COBL: variants seen among roughly 807,000 people sequenced by gnomAD.
COBL encodes cordon-bleu WH2 repeat protein, also known as protein cordon-bleu.
A neutral mutation model predicts 98.8 loss-of-function variants in COBL; 51 were observed. The observed-to-expected ratio is 0.52, with a 90% confidence interval of 0.41 to 0.65. The LOEUF (loss-of-function observed/expected upper bound fraction) is 0.65. Ranked by LOEUF, COBL falls within the 30% of genes least tolerant of loss-of-function variation. The probability of loss-of-function intolerance (pLI) is 0.00; values close to 1 mark genes in which losing one functional copy is unlikely to be tolerated. For missense variants in COBL, 1,617 were observed against 1,617.5 expected, an observed-to-expected ratio of 1.00 and a Z score of 0.01; for synonymous variants, 634 against 651.7, an observed-to-expected ratio of 0.97 and a Z score of 0.41.
Position 51,085,067 on chromosome 7 carries a change from C to A in COBL, c.1096+99G>T, listed in dbSNP as rs982901808. 6 of 1,565,866 alleles carry A rather than the reference C, an allele frequency of 3.8e-6. No homozygotes were observed. The African/African-American group carries it at 4.1e-5, about 11-fold the overall frequency. On this transcript the variant is annotated intron_variant, in intron 7 of 12. Coordinates refer to ENST00000265136, the MANE Select transcript of COBL (RefSeq NM_015198.5). ...GCATTAATATTTTTTGGGTTAATGTCATTATGGATGAGGCCACTGCAGGAG... is the reference window on the plus strand; with the variant it reads ...GCATTAATATTTTTTGGGTTAATGTAATTATGGATGAGGCCACTGCAGGAG...
chr7:51,300,287 A>C (rs1430979407), intron 1 of COBL, among the ~76,000 whole-genome samples: 1 of 151,876 alleles, frequency 6.6e-6, no homozygotes, highest in Admixed American at 6.6e-5. Flanking sequence ...CAGCCTCCCA[A>C]GTAGCTGAGA....
In COBL at chr7:51,028,791, C is replaced by T; in HGVS notation, c.2305G>A (p.Glu769Lys). The T allele has an allele frequency of 1.2e-6, 2 of 1,614,216 alleles. No homozygotes were observed. Among genetic ancestry groups the T allele is most frequent in the Non-Finnish European group, 1.7e-6 (2 of 1,180,034 alleles). Reference protein sequence around the residue: ...AESQPIGKVREFWRCNSVEKH... With the variant: ...AESQPIGKVRKFWRCNSVEKH... ...TCCACAGAGTTGCACCTCCAGAACT[C>T]TCTGACTTTCCCAATGGGCTGAGAT... The change falls in exon 10 of 13, where the codon GAG (glutamate) becomes AAG (lysine). Residue 769 changes from glutamate to lysine, a missense_variant. Transcript: ENST00000265136.
At position 51,187,325 on chromosome 7, in the gene COBL, TATATATAC is replaced by T. The variant is rs1174444797; in HGVS notation, c.686-3134_686-3127del. On this transcript the variant is annotated intron_variant, in intron 4 of 12. Transcript: ENST00000265136. Reference sequence around the variant, plus strand: ...ATATGTTTAAGTATATATATATATATATATATACACACACACACACACACACACACATA... The same window carrying T: ...ATATGTTTAAGTATATATATATATATACACACACACACACACACACACATA... Among the ~76,000 whole-genome samples, 149 of 136,194 alleles carry T rather than the reference TATATATAC, an allele frequency of 1.1e-3. 1 individual carries two copies. Among genetic ancestry groups the T allele is most frequent in the South Asian group, 6.1e-3 (28 of 4,576 alleles). 89.3% of individuals were successfully genotyped at this position (136,194 alleles called of 152,430 possible). A position where few individuals can be genotyped will look rare whatever the true frequency, so the allele number is the denominator to read the frequency against.
chr7:51,147,522 T>C (rs544642717), intron 5 of COBL, among the ~76,000 whole-genome samples: 1 of 152,246 alleles, frequency 6.6e-6, no homozygotes, highest in East Asian at 1.9e-4. Flanking sequence ...GCTTTCTGTA[T>C]TTGTCCTGAT....
chr7:51,044,692 C>CT (rs1488494594), intron 7 of COBL, among the ~76,000 whole-genome samples: 2 of 152,162 alleles, frequency 1.3e-5, no homozygotes, highest in Non-Finnish European at 2.9e-5. Flanking sequence ...CATTCTTCCC[C>CT]TAAATAGTCA....
chr7:51,265,076 G>A (rs910504591), intron 1 of COBL, among the ~76,000 whole-genome samples: 2 of 152,126 alleles, frequency 1.3e-5, no homozygotes, highest in Admixed American at 6.5e-5. Context: ...CCCGATGCCC[G>A]ACAACCAGCG....
intron 6 of COBL, among the ~76,000 whole-genome samples, chr7:51,111,282 C>A (rs1369497219): frequency 6.6e-6 from 1 of 152,136 alleles, no homozygotes; most frequent in South Asian, 2.1e-4. Flanking sequence ...AACTTACATT[C>A]CCACCAAGAG....
intron 1 of COBL, among the ~76,000 whole-genome samples, chr7:51,279,649 A>G (rs1799632129): frequency 6.6e-6 from 1 of 152,228 alleles, no homozygotes; most frequent in South Asian, 2.1e-4. Context: ...CCCAGCGTCC[A>G]CAACCTACAT....
chr7:51,231,893 C>G (rs1794791128), intron 1 of COBL, among the ~76,000 whole-genome samples: 1 of 152,084 alleles, frequency 6.6e-6, no homozygotes, highest in African/African-American at 2.4e-5. Context: ...CATCCCCACC[C>G]AGCCATGGAA....
chr7:51,026,760 C>T (rs900063054), intron 10 of COBL, 95 bp from the exon 11 acceptor site: 21 of 1,451,436 alleles, frequency 1.4e-5, no homozygotes, highest in Middle Eastern at 1.9e-4. Context: ...GGGCCAGGCA[C>T]GGTGGCTCAT....
At chr7:51,072,709 T>C (rs1450532422) in intron 7 of COBL, 2 of 152,198 alleles carry the variant, frequency 1.3e-5, no homozygotes, top group Non-Finnish European at 2.9e-5. Flanking sequence ...AAGAGAATCA[T>C]AATATAGAAT....
chr7:51,025,798 A>T (rs1262528133), intron 11 of COBL, among the ~76,000 whole-genome samples: 4 of 152,214 alleles, frequency 2.6e-5, no homozygotes, highest in Non-Finnish European at 4.4e-5. Context: ...ACAGCTGATT[A>T]TCTTACCCCT....
At chr7:51,063,005 AG>A (rs1438308537) in intron 7 of COBL, among the ~76,000 whole-genome samples, 3 of 152,218 alleles carry the variant, frequency 2.0e-5, no homozygotes, top group Non-Finnish European at 4.4e-5. Context: ...TATAAGCTGT[AG>A]GGGGCACACC....
At chr7:51,029,886 A>G (rs1251639843) in intron 9 of COBL, among the ~76,000 whole-genome samples, 1 of 152,196 alleles carries the variant, frequency 6.6e-6, no homozygotes, top group Non-Finnish European at 1.5e-5. Context: ...GCCTCTGGAA[A>G]AACTGTCTCA....
chr7:51,157,108 C>T (rs1047589897), intron 5 of COBL, among the ~76,000 whole-genome samples: 2 of 152,182 alleles, frequency 1.3e-5, no homozygotes, highest in Admixed American at 6.5e-5. Context: ...CGGTGGCTCA[C>T]GCCTGTAATC....
At chr7:51,030,738 G>A (rs910001349) in intron 9 of COBL, 74 bp downstream of exon 9, 5 of 931,986 alleles carry the variant, frequency 5.4e-6, no homozygotes, top group Non-Finnish European at 8.6e-6. Context: ...ATCAAAGTAT[G>A]CTCAGAGGAA....
At position 51,187,329 on chromosome 7, in the gene COBL, T is replaced by TAC. The variant is rs1408641065; in HGVS notation, c.686-3131_686-3130insGT. Among the ~76,000 whole-genome samples, 1,393 of 142,376 alleles carry TAC rather than the reference T, an allele frequency of 9.8e-3. 13 individuals are homozygous for TAC. The highest frequency in any genetic ancestry group is 0.016 in the Non-Finnish European group (1,072 of 66,210). 93.4% of individuals were successfully genotyped at this position (142,376 alleles called of 152,430 possible). ...GTTTAAGTATATATATATATATATA[T>TAC]ATACACACACACACACACACACACA... On this transcript the variant is annotated intron_variant, in intron 4 of 12. Coordinates refer to ENST00000265136, the MANE Select transcript of COBL (RefSeq NM_015198.5).
intron 5 of COBL, among the ~76,000 whole-genome samples, chr7:51,137,614 C>A (rs1799362926): frequency 6.6e-6 from 1 of 151,538 alleles, no homozygotes. Context: ...GTTCTTGGCA[C>A]AAAGTAAGTA....
At chr7:51,131,180 G>A (rs1287301428) in intron 6 of COBL, among the ~76,000 whole-genome samples, 1 of 152,124 alleles carries the variant, frequency 6.6e-6, no homozygotes, top group East Asian at 1.9e-4. Context: ...ATTTTATAGT[G>A]TTGAACATAA....
Sources: allele counts gnomAD v4.1 joint callset (sites outside exome capture counted in the v4.1 genomes callset), GRCh38; gene constraint gnomAD v4.1.1; transcripts MANE v1.5; gene names NCBI Gene and HGNC (gene_info 2026-07-23, HGNC 2026-07-21).